PCDH15: variants seen among roughly 807,000 people sequenced by gnomAD.
PCDH15 encodes the protein protocadherin related 15.
In PCDH15, 129 loss-of-function variants were observed where a neutral mutation model predicts 178.5. The ratio of observed to expected loss-of-function variants is 0.72; its 90% CI spans 0.63 to 0.84. PCDH15 has a LOEUF of 0.84. Among genes scored for constraint, PCDH15 ranks in the 40% least tolerant of loss-of-function variants. PCDH15 has a pLI of 0.00. For synonymous variants in PCDH15, 800 were observed against 732.0 expected, an observed-to-expected ratio of 1.09 and a Z score of -1.50; for missense variants, 2,230 against 2,099.9, an observed-to-expected ratio of 1.06 and a Z score of -1.21.
chr10:54,058,711 T>A (rs995175629), intron 18 of PCDH15, among the ~76,000 whole-genome samples: 4 of 140,866 alleles, frequency 2.8e-5, no homozygotes, highest in Admixed American at 2.2e-4. Flanking sequence ...TTTTTTTTTT[T>A]AGACCAAGTT....
intron 1 of PCDH15, among the ~76,000 whole-genome samples, chr10:55,300,015 A>G (rs891691540): frequency 6.6e-6 from 1 of 152,198 alleles, no homozygotes; most frequent in Non-Finnish European, 1.5e-5. Flanking sequence ...TATCAATTTC[A>G]TATTAATAAA....
At chr10:53,857,816 T>C (rs1589123389) in intron 27 of PCDH15, among the ~76,000 whole-genome samples, 1 of 152,218 alleles carries the variant, frequency 6.6e-6, no homozygotes, top group Non-Finnish European at 1.5e-5. Context: ...TTAATGGCTG[T>C]TGATAACTAT....
chr10:54,131,789 A>C (rs191369507), intron 15 of PCDH15, among the ~76,000 whole-genome samples: 309 of 152,354 alleles, frequency 2.0e-3, no homozygotes, highest in Admixed American at 4.0e-3. Flanking sequence ...TTTAAGCAGC[A>C]GTTACTTTCT....
At chr10:54,149,524 CA>C (rs892502638) in intron 14 of PCDH15, among the ~76,000 whole-genome samples, 9 of 152,042 alleles carry the variant, frequency 5.9e-5, no homozygotes, top group African/African-American at 1.7e-4. Flanking sequence ...ACTGGTGCCA[CA>C]ACTGGAATGG....
chr10:55,006,675 G>A (rs377039074), intron 2 of PCDH15, among the ~76,000 whole-genome samples: 35 of 152,282 alleles, frequency 2.3e-4, no homozygotes, highest in South Asian at 1.0e-3. Flanking sequence ...CTGCAAAGCC[G>A]CAGGCTGGGC....
At chr10:54,126,204 G>T (rs2041975956) in intron 15 of PCDH15, among the ~76,000 whole-genome samples, 1 of 151,752 alleles carries the variant, frequency 6.6e-6, no homozygotes, top group Non-Finnish European at 1.5e-5. Flanking sequence ...CCAAGTATCT[G>T]GGATTACAAG....
At chr10:54,119,504 A>G (rs1428515460) in intron 15 of PCDH15, among the ~76,000 whole-genome samples, 1 of 152,170 alleles carries the variant, frequency 6.6e-6, no homozygotes, top group Non-Finnish European at 1.5e-5. Flanking sequence ...TATGTAAAAC[A>G]ATCAAACCTA....
At chr10:54,356,802 C>T (rs1945060484) in intron 5 of PCDH15, among the ~76,000 whole-genome samples, 1 of 151,986 alleles carries the variant, frequency 6.6e-6, no homozygotes, top group South Asian at 2.1e-4. Context: ...AGGTAAAAAG[C>T]TTATCCACCA....
chr10:54,707,196 C>T lies in PCDH15; in HGVS notation c.-28-42906G>A, dbSNP rs1286339526. On this transcript the variant is annotated intron_variant, in intron 1 of 37. Coordinates refer to ENST00000644397, the MANE Select transcript of PCDH15 (RefSeq NM_001384140.1). Reference sequence around the variant, plus strand: ...GAGGTGGTAGGCTTGCCTGATCAGCCCCAAAGAAGGGTCAGAGAAATTAAG... The same window carrying T: ...GAGGTGGTAGGCTTGCCTGATCAGCTCCAAAGAAGGGTCAGAGAAATTAAG... Among the ~76,000 whole-genome samples, 3 of 151,982 alleles carry T rather than the reference C, an allele frequency of 2.0e-5. No individual in the cohort carries two copies. The East Asian group carries it at 5.8e-4, about 29-fold the overall frequency.
rs546716604 is a variant in PCDH15 at position 54,225,791 on chromosome 10, C to G, written c.985+11032G>C. On this transcript the variant is annotated intron_variant, in intron 9 of 37. Coordinates refer to ENST00000644397, the MANE Select transcript of PCDH15 (RefSeq NM_001384140.1). ...GGCATAGACCCATGCTATTACCACT[C>G]CTATTCAAACTTTATATTTATTTTT... 1.2e-4 allele frequency among the ~76,000 whole-genome samples: 19 copies of G among 152,270 alleles called. 1 individual carries two copies. The South Asian group carries it at 3.9e-3, about 32-fold the overall frequency.
chr10:54,795,903 C>A (rs1423786394), intron 1 of PCDH15, among the ~76,000 whole-genome samples: 1 of 151,842 alleles, frequency 6.6e-6, no homozygotes, highest in Non-Finnish European at 1.5e-5. Context: ...AAGTATCAAT[C>A]TCCATTTACT....
intron 23 of PCDH15, among the ~76,000 whole-genome samples, chr10:53,956,341 A>G (rs907427093): frequency 6.6e-6 from 1 of 152,126 alleles, no homozygotes; most frequent in African/African-American, 2.4e-5. Flanking sequence ...AGATACTGCT[A>G]TGTATTTCCT....
intron 21 of PCDH15, among the ~76,000 whole-genome samples, chr10:53,989,795 C>A (rs1213378856): frequency 6.6e-6 from 1 of 151,990 alleles, no homozygotes; most frequent in Non-Finnish European, 1.5e-5. Flanking sequence ...TAGCAATAAT[C>A]TAAATCAATA....
chr10:53,867,984 T>C (rs1228587559), intron 26 of PCDH15, among the ~76,000 whole-genome samples: 1 of 152,098 alleles, frequency 6.6e-6, no homozygotes, highest in Non-Finnish European at 1.5e-5. Context: ...ACTAACACAT[T>C]GTTTAGATTT....
intron 2 of PCDH15, among the ~76,000 whole-genome samples, chr10:55,039,415 C>T (rs1334601716): frequency 2.0e-5 from 3 of 152,008 alleles, no homozygotes; most frequent in East Asian, 1.9e-4. Flanking sequence ...AAGAATGATG[C>T]AAATTCTAAG....
At chr10:54,830,380 T>C (rs1024289158) in intron 3 of PCDH15, among the ~76,000 whole-genome samples, 3 of 152,100 alleles carry the variant, frequency 2.0e-5, no homozygotes, top group African/African-American at 4.8e-5. Flanking sequence ...GTGGCACATA[T>C]ACACCATGGA....
At chr10:54,540,275 G>A (rs948784668) in intron 2 of PCDH15, among the ~76,000 whole-genome samples, 29 of 151,860 alleles carry the variant, frequency 1.9e-4, no homozygotes, top group African/African-American at 6.8e-4. Flanking sequence ...TATAAACAAA[G>A]AACAAAACAG....
intron 1 of PCDH15, among the ~76,000 whole-genome samples, chr10:54,723,028 TA>T (rs976730187): frequency 6.6e-5 from 10 of 151,462 alleles, no homozygotes; most frequent in African/African-American, 2.4e-4. Context: ...ATTTCTTACA[TA>T]ATTATAAAAA....
intron 2 of PCDH15, among the ~76,000 whole-genome samples, chr10:54,600,853 G>C (rs1282372897): frequency 6.6e-6 from 1 of 151,896 alleles, no homozygotes; most frequent in African/African-American, 2.4e-5. Context: ...CTCAGTCTTT[G>C]GGGGATTCAA....
Sources: gnomAD v4.1 joint callset for allele counts (sites outside exome capture counted in the v4.1 genomes callset) on GRCh38, gnomAD v4.1.1 for gene constraint, MANE v1.5 for transcripts, NCBI Gene and HGNC (gene_info 2026-07-23, HGNC 2026-07-21) for gene names.